Variants in C9orf78 observed in about 807,000 individuals in gnomAD.
C9orf78 encodes the protein splicing factor C9orf78.
Under a neutral mutation model 37.4 loss-of-function variants are expected in C9orf78, and 19 were observed. That is an observed-to-expected ratio of 0.51 (90% CI 0.35 to 0.74). C9orf78 has a LOEUF of 0.74. Ranked by LOEUF, C9orf78 falls within the 30% of genes least tolerant of loss-of-function variation. C9orf78 has a pLI of 0.01. For missense variants in C9orf78, 291 were observed against 370.8 expected (o/e 0.78, Z 1.77); for synonymous variants, 130 against 128.0 (o/e 1.02, Z -0.10).
chr9:129,831,136 T>C lies in C9orf78; in HGVS notation c.345-68A>G, dbSNP rs1386726652. 23 of 976,836 alleles carry C rather than the reference T, an allele frequency of 2.4e-5. No individual in the cohort carries two copies. In the Admixed American group the frequency reaches 3.4e-4, roughly 14 times the overall value. 60.5% of individuals were successfully genotyped at this position (976,836 alleles called of 1,614,324 possible). A position where few individuals can be genotyped will look rare whatever the true frequency, so the allele number is the denominator to read the frequency against. On this transcript the variant is annotated intron_variant, in intron 5 of 8. Transcript: ENST00000372447. ...ACACACCAGGTGTCCTCTAAATCAG[T>C]GGTCCCCAACACTGGCCCGCAGACC...
At position 129,828,209 on chromosome 9, in the gene C9orf78, A is replaced by G. The variant is rs761779268; in HGVS notation, c.822T>C (p.Thr274=). Residue 274 remains threonine (T), a synonymous_variant, in exon 9 of 9, where the codon ACT becomes ACC. Coordinates refer to ENST00000372447, the MANE Select transcript of C9orf78 (RefSeq NM_016520.3). ...TGAACTTCTCATAATGATAGTCATC[A>G]GTTGCCTTCTCGTTAGCAGGACGCT... ...NRKRPANEKA[T]DDYHYEKFKK... is the part of the protein sequence containing the mutation. The G allele has an allele frequency of 6.2e-7, 1 of 1,608,366 alleles. No individual in the cohort carries two copies. The highest frequency in any genetic ancestry group is 8.5e-7 in the Non-Finnish European group (1 of 1,175,540).
At chr9:129,834,923 C>A in intron 1 of C9orf78, 157 bp from the exon 2 acceptor site, 1 of 688,704 alleles carries the variant, frequency 1.5e-6, no homozygotes. Context: ...CTAGACCCAC[C>A]GGGAGTCAGA....
At position 129,830,523 on chromosome 9, in the gene C9orf78, C is replaced by CT. The variant is rs911561381; in HGVS notation, c.542+347dup. 4.0e-3 allele frequency: 1,029 copies of CT among 259,570 alleles called. 10 individuals are homozygous for CT. Among genetic ancestry groups the CT allele is most frequent in the African/African-American group, 0.018 (804 of 43,900 alleles). 16.1% of individuals were successfully genotyped at this position (259,570 alleles called of 1,614,324 possible). A position where few individuals can be genotyped will look rare whatever the true frequency, so the allele number is the denominator to read the frequency against. On this transcript the variant is annotated intron_variant, in intron 6 of 8. Coordinates refer to ENST00000372447, the MANE Select transcript of C9orf78 (RefSeq NM_016520.3). Reference sequence around the variant, plus strand: ...CCTGTCCCCCATAAATTTTTTTTTCCTTTTTTTTTGAGATGGAGTCTTGCT... The same window carrying CT: ...CCTGTCCCCCATAAATTTTTTTTTCCTTTTTTTTTTGAGATGGAGTCTTGCT...
chr9:129,829,103 C>T, intron 8 of C9orf78, 102 bp downstream of exon 8: 1 of 801,732 alleles, frequency 1.2e-6, no homozygotes, highest in Non-Finnish European at 2.2e-6. Context: ...TATGCCCCGG[C>T]TCCAATGCCA....
At chr9:129,832,976 T>TGC (rs1205505397) in intron 4 of C9orf78, among the ~76,000 whole-genome samples, 43 of 149,534 alleles carry the variant, frequency 2.9e-4, no homozygotes, top group African/African-American at 1.0e-3. Flanking sequence ...CATATATATA[T>TGC]GCGTGTGTGT....
rs1184992645 is a variant in C9orf78 at position 129,829,348 on chromosome 9, T to C, written c.680-45A>G. ...GGGACACGTTAGAACATGAGGTTCC[T>C]AGGGATCTCAGCCCAAATAGGGGAA... On this transcript the variant is annotated intron_variant, in intron 7 of 8. Coordinates refer to ENST00000372447, the MANE Select transcript of C9orf78 (RefSeq NM_016520.3). 3.7e-6 allele frequency: 6 copies of C among 1,603,576 alleles called. No individual in the cohort carries two copies. The South Asian group carries it at 5.5e-5, about 15-fold the overall frequency.
intron 2 of C9orf78, 30 bp from the exon 3 acceptor site, chr9:129,833,739 G>A (rs1564189150): frequency 2.6e-6 from 4 of 1,560,554 alleles, no homozygotes; most frequent in Non-Finnish European, 3.5e-6. Flanking sequence ...AAAGAGAGGG[G>A]GAGAGAGAGA....
At chr9:129,829,063 G>C (rs2031418354) in intron 8 of C9orf78, 142 bp downstream of exon 8, 2 of 712,540 alleles carry the variant, frequency 2.8e-6, no homozygotes, top group South Asian at 3.0e-5. Context: ...AAGGCACATA[G>C]TCATGGTCCA....
Position 129,833,713 on chromosome 9 carries a change from A to C in C9orf78, c.144-4T>G. 6.2e-7 allele frequency: 1 copy of C among 1,607,560 alleles called. No individual in the cohort carries two copies. Among genetic ancestry groups the C allele is most frequent in the Non-Finnish European group, 8.5e-7 (1 of 1,175,270 alleles). Reference sequence around the variant, plus strand: ...TCCCACCAGCAAGGCCACAGCACTGAGCAAAACCAAAAAAAAAAGAGAGGG... The same window carrying C: ...TCCCACCAGCAAGGCCACAGCACTGCGCAAAACCAAAAAAAAAAGAGAGGG... On this transcript the variant is annotated splice_polypyrimidine_tract_variant and splice_region_variant and intron_variant, in intron 2 of 8. Transcript: ENST00000372447.
Position 129,834,694 on chromosome 9 carries a change from G to T in C9orf78, c.143+13C>A. 1.9e-6 allele frequency: 3 copies of T among 1,601,012 alleles called. No homozygotes were observed. The highest frequency in any genetic ancestry group is 1.7e-6 in the Non-Finnish European group (2 of 1,169,546). On this transcript the variant is annotated intron_variant, in intron 2 of 8. Coordinates refer to ENST00000372447, the MANE Select transcript of C9orf78 (RefSeq NM_016520.3). ...TCCCCGCCGCCTCCTCCTCCTCCCC[G>T]CGTGGTACCCACCTCACCCCGTTGG... is the stretch of plus-strand genomic sequence containing the variant.
At position 129,831,942 on chromosome 9, in the gene C9orf78, T is replaced by C. The variant is rs2031508688; in HGVS notation, c.298A>G (p.Thr100Ala). Residue 100 changes from threonine (T) to alanine (A), a missense_variant, in exon 5 of 9, where the codon ACA becomes GCA. Around this residue, in one of 3 missense-constraint regions of C9orf78, gnomAD observed 158 missense variants for 174.8 expected, o/e 0.90. Transcript: ENST00000372447. Reference protein sequence around the residue: ...ISEEEDLHLGTSFSAETNRRD... With the variant: ...ISEEEDLHLGASFSAETNRRD... ...CGGTTGGTTTCTGCAGAAAACGATG[T>C]CCCCAGGTGCAGGTCCTCCTCCTCA... 6.3e-7 allele frequency: 1 copy of C among 1,589,058 alleles called. No homozygotes were observed. The highest frequency in any genetic ancestry group is 8.6e-7 in the Non-Finnish European group (1 of 1,157,362).
intron 8 of C9orf78, 23 bp downstream of exon 8, chr9:129,829,182 C>T (rs372860206): frequency 2.6e-6 from 4 of 1,554,418 alleles, no homozygotes; most frequent in African/African-American, 1.4e-5. Flanking sequence ...TCCAGGCAGC[C>T]CCGAGGCCTT....
intron 8 of C9orf78, chr9:129,828,718 T>C (rs35075313): frequency 0.23 from 53,971 of 238,004 alleles, 6,471 homozygotes; most frequent in South Asian, 0.24. Context: ...CCACCGAGCA[T>C]GGCCAATACC....
chr9:129,833,816 T>C, intron 2 of C9orf78, 107 bp from the exon 3 acceptor site: 1 of 738,016 alleles, frequency 1.4e-6, no homozygotes, highest in Non-Finnish European at 2.3e-6. Flanking sequence ...AGTGCAAGGG[T>C]GGGATTTGAG....
chr9:129,830,726 G>A (rs1483400339), intron 6 of C9orf78, 145 bp downstream of exon 6: 6 of 644,106 alleles, frequency 9.3e-6, no homozygotes, highest in Admixed American at 2.4e-5. Flanking sequence ...TGGCCGGGCT[G>A]GTCTTGAACT....
intron 1 of C9orf78, 32 bp from the exon 2 acceptor site, chr9:129,834,798 A>G (rs762722188): frequency 2.2e-5 from 34 of 1,522,512 alleles, no homozygotes; most frequent in Non-Finnish European, 3.1e-5. Context: ...GCAATGCATA[A>G]GCTGAGTGAT....
intron 3 of C9orf78, 66 bp downstream of exon 3, chr9:129,833,592 C>T (rs568114164): frequency 1.4e-6 from 2 of 1,450,098 alleles, no homozygotes; most frequent in South Asian, 1.1e-5. Flanking sequence ...GTGAAGCACG[C>T]TCACTCACTG....
Position 129,833,707 on chromosome 9 carries a change from G to A in C9orf78, c.146C>T (p.Ala49Val). 1.2e-6 allele frequency: 2 copies of A among 1,608,702 alleles called. No individual in the cohort carries two copies. Among genetic ancestry groups the A allele is most frequent in the Non-Finnish European group, 1.7e-6 (2 of 1,176,602 alleles). The change falls in exon 3 of 9, where the codon GCT (alanine) becomes GTT (valine). Residue 49 changes from alanine to valine, a missense_variant and splice_region_variant. Ala to Val is a moderately conservative substitution (Grantham distance 64). This residue lies in a region of C9orf78 where 158 missense variants were observed against 174.8 expected (regional missense o/e 0.90). Coordinates refer to ENST00000372447, the MANE Select transcript of C9orf78 (RefSeq NM_016520.3). ...NLRKRPNGVS[A>V]VALLVGEKVQ... The stretch of plus-strand genomic sequence containing the variant: ...CTTCTCTCCCACCAGCAAGGCCACA[G>A]CACTGAGCAAAACCAAAAAAAAAAG...
chr9:129,831,160 C>A, intron 5 of C9orf78, 92 bp from the exon 6 acceptor site: 1 of 796,596 alleles, frequency 1.3e-6, no homozygotes, highest in South Asian at 1.4e-5. Context: ...GGCCCGCAGA[C>A]CAGTGACAGT....
Sources: allele counts gnomAD v4.1 joint callset (sites outside exome capture counted in the v4.1 genomes callset), GRCh38; gene constraint gnomAD v4.1.1; regional missense constraint gnomAD v4.1.1; transcripts MANE v1.5; gene names NCBI Gene and HGNC (gene_info 2026-07-23, HGNC 2026-07-21).